The following ZNF678 variants were observed in gnomAD, a reference collection of about 807,000 sequenced individuals.
ZNF678 encodes hypothetical protein MGC42493.
Under a neutral mutation model 3.0 loss-of-function variants are expected in ZNF678, and 5 were observed. That is an observed-to-expected ratio of 1.69 (90% confidence interval 0.88 to 3.56). ZNF678 has a LOEUF of 3.56. Among genes scored for constraint, ZNF678 ranks in the 30% most tolerant of loss-of-function variants. The pLI is 0.00. For missense variants in ZNF678, 593 were observed against 605.0 expected (o/e 0.98, Z 0.21); for synonymous variants, 218 against 199.6 (o/e 1.09, Z -0.78).
intron 1 of ZNF678, among the ~76,000 whole-genome samples, chr1:227,568,148 C>T (rs930513317): frequency 6.6e-6 from 1 of 152,100 alleles, no homozygotes; most frequent in Non-Finnish European, 1.5e-5. Context: ...CCCATTTATG[C>T]CTAGTGTTCC....
At chr1:227,578,281 C>T (rs951330885) in intron 1 of ZNF678, among the ~76,000 whole-genome samples, 1 of 152,084 alleles carries the variant, frequency 6.6e-6, no homozygotes, top group Non-Finnish European at 1.5e-5. Context: ...GAATGTTGGC[C>T]TCTCTAGCTA....
chr1:227,649,375 A>T (rs1365047928), intron 2 of ZNF678, among the ~76,000 whole-genome samples: 1 of 152,058 alleles, frequency 6.6e-6, no homozygotes, highest in South Asian at 2.1e-4. Context: ...TTTGAGATGG[A>T]GTTTTGCTCT....
intron 5 of ZNF678, among the ~76,000 whole-genome samples, chr1:227,672,057 A>G (rs1476885744): frequency 1.3e-5 from 2 of 152,210 alleles, no homozygotes; most frequent in African/African-American, 4.8e-5. Flanking sequence ...GGTAGAATGG[A>G]GTAAAAAGTG....
At chr1:227,643,956 C>T (rs1163561908) in intron 1 of ZNF678, among the ~76,000 whole-genome samples, 3 of 150,806 alleles carry the variant, frequency 2.0e-5, no homozygotes, top group Admixed American at 6.6e-5. Context: ...CCCCGCCCTC[C>T]GGGTTCAAGT....
At chr1:227,641,298 G>A (rs564914582) in intron 1 of ZNF678, among the ~76,000 whole-genome samples, 1 of 152,314 alleles carries the variant, frequency 6.6e-6, no homozygotes, top group Non-Finnish European at 1.5e-5. Context: ...GCAACATGCT[G>A]TTTTAATGAG....
At chr1:227,584,669 C>T (rs1657212438) in intron 1 of ZNF678, among the ~76,000 whole-genome samples, 1 of 152,198 alleles carries the variant, frequency 6.6e-6, no homozygotes, top group African/African-American at 2.4e-5. Flanking sequence ...AAAGATTGTG[C>T]TCAACTCTAA....
intron 1 of ZNF678, among the ~76,000 whole-genome samples, chr1:227,593,900 T>G (rs1490165073): frequency 2.9e-5 from 4 of 138,862 alleles, no homozygotes; most frequent in Non-Finnish European, 1.6e-5. Flanking sequence ...AACAGCAGTC[T>G]TGGTGGTTAG....
chr1:227,649,018 C>T (rs182734952), intron 2 of ZNF678, among the ~76,000 whole-genome samples: 11 of 152,278 alleles, frequency 7.2e-5, no homozygotes, highest in Admixed American at 3.9e-4. Context: ...TCCAGTCCAT[C>T]CATGTTGTTT....
rs1316799915 is a variant in ZNF678 at position 227,661,940 on chromosome 1, C to A, written c.*6112C>A. ...AGCTTAGACTCATTTTTATACTACT[C>A]GGGGGACAAGGAGGGAACTACAGTC... On this transcript the variant is annotated 3_prime_UTR_variant, in exon 4 of 4. Transcript: ENST00000343776. 6.6e-6 allele frequency: 1 copy of A among 152,142 alleles called. No individual in the cohort carries two copies. Among genetic ancestry groups the A allele is most frequent in the Non-Finnish European group, 1.5e-5 (1 of 68,048 alleles). The allele number at this position is 152,142 out of a possible 1,614,324, so 9.4% of individuals were successfully genotyped here.
intron 1 of ZNF678, among the ~76,000 whole-genome samples, chr1:227,596,280 C>A (rs980518739): frequency 6.6e-6 from 1 of 152,158 alleles, no homozygotes; most frequent in African/African-American, 2.4e-5. Context: ...TATAGCAGGA[C>A]GAACCTAAGA....
At chr1:227,597,023 A>G (rs185013952) in intron 1 of ZNF678, among the ~76,000 whole-genome samples, 78 of 152,358 alleles carry the variant, frequency 5.1e-4, no homozygotes, top group African/African-American at 1.7e-3. Flanking sequence ...GTATTTAGAC[A>G]TAATTAAGAT....
chr1:227,592,698 T>C (rs1657447874), intron 1 of ZNF678, among the ~76,000 whole-genome samples: 1 of 152,258 alleles, frequency 6.6e-6, no homozygotes, highest in Non-Finnish European at 1.5e-5. Context: ...CTGGTATTCC[T>C]TGCGGGGCTC....
chr1:227,641,073 T>A (rs1421907739), intron 1 of ZNF678, among the ~76,000 whole-genome samples: 3 of 152,210 alleles, frequency 2.0e-5, no homozygotes, highest in African/African-American at 7.2e-5. Flanking sequence ...CCGGGAAACT[T>A]ACCAGTAGGC....
At chr1:227,606,733 CA>C (rs1657882700) in intron 1 of ZNF678, among the ~76,000 whole-genome samples, 1 of 152,120 alleles carries the variant, frequency 6.6e-6, no homozygotes, top group Non-Finnish European at 1.5e-5. Context: ...CGGCTTTCTG[CA>C]GTGCATCGTG....
At chr1:227,629,556 G>C (rs1658499916) in intron 1 of ZNF678, among the ~76,000 whole-genome samples, 1 of 152,244 alleles carries the variant, frequency 6.6e-6, no homozygotes, top group Admixed American at 6.5e-5. Context: ...TGGGACAGGA[G>C]AGTAAGACTG....
At chr1:227,591,243 T>A (rs1226044630) in intron 1 of ZNF678, among the ~76,000 whole-genome samples, 4 of 151,862 alleles carry the variant, frequency 2.6e-5, no homozygotes, top group African/African-American at 7.3e-5. Flanking sequence ...TATCAATTTT[T>A]AGGGTTACAC....
chr1:227,593,366 T>C (rs1405054336), intron 1 of ZNF678, among the ~76,000 whole-genome samples: 1 of 152,230 alleles, frequency 6.6e-6, no homozygotes, highest in Non-Finnish European at 1.5e-5. Flanking sequence ...GATGACCCTC[T>C]AGTAAAATGA....
chr1:227,566,651 A>G (rs1214033743), intron 1 of ZNF678, among the ~76,000 whole-genome samples: 4 of 152,230 alleles, frequency 2.6e-5, no homozygotes, highest in Admixed American at 2.6e-4. Flanking sequence ...CACCTTAAAA[A>G]GATTTGTTCA....
chr1:227,597,924 C>T (rs1357349230), intron 1 of ZNF678, among the ~76,000 whole-genome samples: 1 of 152,142 alleles, frequency 6.6e-6, no homozygotes, highest in African/African-American at 2.4e-5. Context: ...AAAGAGATAG[C>T]AAACCAGCTC....
Sources: gnomAD v4.1 joint callset for allele counts (sites outside exome capture counted in the v4.1 genomes callset) on GRCh38, gnomAD v4.1.1 for gene constraint, MANE v1.5 for transcripts, NCBI Gene and HGNC (gene_info 2026-07-23, HGNC 2026-07-21) for gene names.